DPYD: variants seen among roughly 807,000 people sequenced by gnomAD.
The protein encoded by DPYD is dihydropyrimidine dehydrogenase [NADP(+)].
DPYD carries 109 observed loss-of-function variants against 116.2 expected under a neutral mutation model. The observed-to-expected ratio is 0.94, with a 90% CI of 0.80 to 1.10. DPYD has a LOEUF of 1.10. Among genes scored for constraint, DPYD ranks in the 50% least tolerant of loss-of-function variants. DPYD has a pLI of 0.00. For synonymous variants in DPYD, 440 were observed against 432.0 expected, an observed-to-expected ratio of 1.02 and a Z score of -0.23; for missense variants, 1,302 against 1,254.5, an observed-to-expected ratio of 1.04 and a Z score of -0.57.
intron 19 of DPYD, among the ~76,000 whole-genome samples, chr1:97,203,678 A>ACC (rs1659387205): frequency 4.7e-5 from 5 of 106,738 alleles, no homozygotes; most frequent in African/African-American, 6.6e-5. Context: ...CCCCCCCAAA[A>ACC]AAAAAAAAAG....
chr1:97,514,795 G>A (rs1648083959), intron 13 of DPYD, among the ~76,000 whole-genome samples: 1 of 151,536 alleles, frequency 6.6e-6, no homozygotes, highest in African/African-American at 2.4e-5. Context: ...GTCAGAGTAA[G>A]ACAGCCTTAA....
intron 13 of DPYD, among the ~76,000 whole-genome samples, chr1:97,470,246 C>T (rs143979894): frequency 0.017 from 2,588 of 151,940 alleles, 38 homozygotes; most frequent in Non-Finnish European, 0.026. Context: ...ATTTTACTAT[C>T]TGTGCCACCC....
intron 8 of DPYD, among the ~76,000 whole-genome samples, chr1:97,611,113 T>C (rs888797250): frequency 3.3e-5 from 5 of 152,044 alleles, no homozygotes; most frequent in African/African-American, 9.7e-5. Flanking sequence ...AAGAGACTTA[T>C]TGGACTTATA....
intron 3 of DPYD, among the ~76,000 whole-genome samples, chr1:97,793,293 T>C (rs1337720043): frequency 6.6e-6 from 1 of 152,194 alleles, no homozygotes; most frequent in Non-Finnish European, 1.5e-5. Flanking sequence ...TCACCTCAAA[T>C]TGATATATCA....
At chr1:97,710,736 TC>T (rs1662236633) in intron 5 of DPYD, among the ~76,000 whole-genome samples, 2 of 151,682 alleles carry the variant, frequency 1.3e-5, no homozygotes, top group South Asian at 4.2e-4. Context: ...AAACATAGAC[TC>T]TCCAGTAACT....
intron 4 of DPYD, among the ~76,000 whole-genome samples, chr1:97,727,371 A>G (rs562669263): frequency 6.6e-6 from 1 of 151,838 alleles, no homozygotes; most frequent in Non-Finnish European, 1.5e-5. Context: ...ATTAGAAGAT[A>G]TATTTGAAAA....
intron 13 of DPYD, among the ~76,000 whole-genome samples, chr1:97,464,268 T>G (rs964061049): frequency 6.9e-6 from 1 of 145,508 alleles, no homozygotes; most frequent in East Asian, 2.1e-4. Context: ...TAAAATAAAA[T>G]AAAATAAAAT....
chr1:97,639,995 T>C (rs1039178337), intron 8 of DPYD, among the ~76,000 whole-genome samples: 1 of 152,152 alleles, frequency 6.6e-6, no homozygotes, highest in Admixed American at 6.6e-5. Flanking sequence ...AATGGTGTTT[T>C]TGCCATATCA....
chr1:97,879,575 T>C (rs544150429), intron 2 of DPYD, among the ~76,000 whole-genome samples: 72 of 151,924 alleles, frequency 4.7e-4, no homozygotes, highest in Non-Finnish European at 7.7e-4. Context: ...TCATGCTTCA[T>C]TAACCAGTAT....
chr1:97,361,590 A>G (rs776709093), intron 16 of DPYD, among the ~76,000 whole-genome samples: 1 of 152,208 alleles, frequency 6.6e-6, no homozygotes, highest in Non-Finnish European at 1.5e-5. Context: ...GCAGCACATC[A>G]AAAAGCTTAT....
chr1:97,520,355 C>A (rs773850024), intron 12 of DPYD, among the ~76,000 whole-genome samples: 1 of 152,100 alleles, frequency 6.6e-6, no homozygotes, highest in Non-Finnish European at 1.5e-5. Flanking sequence ...TTTACTCATG[C>A]GTTAAACTCT....
intron 13 of DPYD, among the ~76,000 whole-genome samples, chr1:97,494,242 G>A (rs891904064): frequency 4.6e-5 from 7 of 152,124 alleles, no homozygotes; most frequent in African/African-American, 1.7e-4. Context: ...TGTTGCCCAG[G>A]TTGGAGTGCA....
chr1:97,213,351 A>G (rs543682867), intron 19 of DPYD, among the ~76,000 whole-genome samples: 33 of 152,302 alleles, frequency 2.2e-4, no homozygotes, highest in African/African-American at 7.7e-4. Flanking sequence ...GTTAACCATG[A>G]TAATTTTTTT....
At chr1:97,162,354 A>G (rs1264362970) in intron 20 of DPYD, among the ~76,000 whole-genome samples, 1 of 152,200 alleles carries the variant, frequency 6.6e-6, no homozygotes, top group East Asian at 1.9e-4. Context: ...ACAGAGAGCC[A>G]AATCATGAGT....
At chr1:97,623,792 C>G (rs1263144501) in intron 8 of DPYD, among the ~76,000 whole-genome samples, 1 of 151,732 alleles carries the variant, frequency 6.6e-6, no homozygotes, top group East Asian at 1.9e-4. Context: ...GACACATCAA[C>G]CAAGGGAACA....
At chr1:97,206,650 AT>A (rs1659630649) in intron 19 of DPYD, among the ~76,000 whole-genome samples, 2 of 52,116 alleles carry the variant, frequency 3.8e-5, no homozygotes, top group African/African-American at 4.0e-4. Flanking sequence ...ATATATATAT[AT>A]ATATATATAT....
At chr1:97,858,972 C>G (rs1176240462) in intron 2 of DPYD, among the ~76,000 whole-genome samples, 1 of 152,018 alleles carries the variant, frequency 6.6e-6, no homozygotes, top group East Asian at 1.9e-4. Context: ...CTTAATTTAA[C>G]TACTACTTAA....
chr1:97,390,018 T>C (rs545320262), intron 14 of DPYD, among the ~76,000 whole-genome samples: 94 of 152,190 alleles, frequency 6.2e-4, no homozygotes, highest in Admixed American at 1.4e-3. Context: ...TTTTAAAAAC[T>C]GAATTTCATT....
At chr1:97,809,604 AG>A (rs1668249467) in intron 3 of DPYD, among the ~76,000 whole-genome samples, 1 of 152,204 alleles carries the variant, frequency 6.6e-6, no homozygotes, top group African/African-American at 2.4e-5. Context: ...AAAATTTGGG[AG>A]TAAGCTAACT....
Sources: gnomAD v4.1 joint callset for allele counts (sites outside exome capture counted in the v4.1 genomes callset) on GRCh38, gnomAD v4.1.1 for gene constraint, MANE v1.5 for transcripts, NCBI Gene and HGNC (gene_info 2026-07-23, HGNC 2026-07-21) for gene names.